SLX4IP: variants seen among roughly 807,000 people sequenced by gnomAD.
SLX4IP encodes SLX4 interacting protein.
In SLX4IP, 34 loss-of-function variants were observed where a neutral mutation model predicts 32.9. That is an observed-to-expected ratio of 1.03 (90% CI 0.79 to 1.38). The LOEUF (loss-of-function observed/expected upper bound fraction) is 1.38, where lower values mean the gene tolerates loss of function less well. Ranked by LOEUF, SLX4IP falls within the 40% of genes most tolerant of loss-of-function variation. SLX4IP has a pLI of 0.00. For synonymous variants in SLX4IP, 172 were observed against 171.7 expected (o/e 1.00, Z -0.01); for missense variants, 444 against 479.0 (o/e 0.93, Z 0.68).
intron 2 of SLX4IP, 105 bp downstream of exon 2, chr20:10,458,336 A>C (rs773230988): frequency 1.7e-6 from 2 of 1,187,390 alleles, no homozygotes; most frequent in Non-Finnish European, 2.3e-6. Context: ...TGCTTTTTAC[A>C]CTTGGGACTC....
chr20:10,554,167 C>T (rs934720477), intron 2 of SLX4IP, among the ~76,000 whole-genome samples: 6 of 152,260 alleles, frequency 3.9e-5, no homozygotes, highest in South Asian at 2.1e-4. Context: ...TTTCATCACA[C>T]GTTGATTTTG....
intron 2 of SLX4IP, among the ~76,000 whole-genome samples, chr20:10,492,962 C>T (rs1447845683): frequency 6.7e-6 from 1 of 148,824 alleles, no homozygotes; most frequent in Non-Finnish European, 1.5e-5. Context: ...ATTACTGTAA[C>T]ATTATCACAA....
chr20:10,605,205 A>G (rs889733674), intron 6 of SLX4IP, among the ~76,000 whole-genome samples: 9 of 152,158 alleles, frequency 5.9e-5, no homozygotes, highest in African/African-American at 2.2e-4. Context: ...CAAAGCTACT[A>G]TTTCATTGTG....
chr20:10,568,365 C>T (rs2066420137), intron 4 of SLX4IP, among the ~76,000 whole-genome samples: 1 of 152,172 alleles, frequency 6.6e-6, no homozygotes, highest in Non-Finnish European at 1.5e-5. Flanking sequence ...ACTTTCTCTG[C>T]CAGTAGATAG....
chr20:10,572,845 G>T (rs1316824645), intron 4 of SLX4IP, among the ~76,000 whole-genome samples: 1 of 152,116 alleles, frequency 6.6e-6, no homozygotes, highest in South Asian at 2.1e-4. Context: ...ATTCAAGGAC[G>T]AATTACCAAG....
chr20:10,452,683 A>ATG (rs2065252761), intron 1 of SLX4IP, among the ~76,000 whole-genome samples: 4 of 121,516 alleles, frequency 3.3e-5, no homozygotes, highest in Non-Finnish European at 7.3e-5. Context: ...AAAAAAAAAT[A>ATG]TATATATATA....
chr20:10,591,388 A>C (rs767796186), intron 4 of SLX4IP, among the ~76,000 whole-genome samples: 5 of 152,186 alleles, frequency 3.3e-5, no homozygotes, highest in Non-Finnish European at 7.3e-5. Context: ...TTCTCATTGC[A>C]CATGATCTAG....
intron 2 of SLX4IP, among the ~76,000 whole-genome samples, chr20:10,489,983 T>C (rs1018876749): frequency 7.9e-5 from 12 of 152,274 alleles, no homozygotes; most frequent in African/African-American, 1.4e-4. Context: ...ACATCTTTCA[T>C]AGGTAAAAAC....
At chr20:10,573,526 G>A (rs1435992138) in intron 4 of SLX4IP, among the ~76,000 whole-genome samples, 1 of 152,200 alleles carries the variant, frequency 6.6e-6, no homozygotes, top group African/African-American at 2.4e-5. Flanking sequence ...TGCACAGTAG[G>A]AATGGAACTG....
chr20:10,518,578 T>C lies in SLX4IP; in HGVS notation c.28-37653T>C, dbSNP rs1042052378. 2.0e-5 allele frequency among the ~76,000 whole-genome samples: 3 copies of C among 150,266 alleles called. No homozygotes were observed. In the South Asian group the frequency reaches 6.4e-4, roughly 32 times the overall value. Reference sequence around the variant, plus strand: ...TCCTTCTTTCTTTCTTTTCTTTCTTTCTTTTTTTCTTTTTTTAGACAGGGT... The same window carrying C: ...TCCTTCTTTCTTTCTTTTCTTTCTTCCTTTTTTTCTTTTTTTAGACAGGGT... On this transcript the variant is annotated intron_variant, in intron 2 of 7. Coordinates refer to ENST00000334534, the MANE Select transcript of SLX4IP (RefSeq NM_001009608.3).
At chr20:10,473,605 T>C (rs1020448938) in intron 2 of SLX4IP, among the ~76,000 whole-genome samples, 7 of 62,484 alleles carry the variant, frequency 1.1e-4, no homozygotes, top group African/African-American at 3.2e-4. Flanking sequence ...GAGTTCTGTT[T>C]CTTTTTTTTT....
chr20:10,567,931 ATTT>A (rs1230791298), intron 4 of SLX4IP, among the ~76,000 whole-genome samples: 1 of 152,184 alleles, frequency 6.6e-6, no homozygotes, highest in African/African-American at 2.4e-5. Flanking sequence ...TTAGGCACAA[ATTT>A]TTATCTGTTC....
chr20:10,590,915 T>C (rs982123182), intron 4 of SLX4IP, among the ~76,000 whole-genome samples: 3 of 152,220 alleles, frequency 2.0e-5, no homozygotes, highest in African/African-American at 7.2e-5. Flanking sequence ...TAAAGCTACG[T>C]TGGCTCTCAG....
intron 2 of SLX4IP, among the ~76,000 whole-genome samples, chr20:10,554,610 C>T (rs866600714): frequency 6.6e-6 from 1 of 151,836 alleles, no homozygotes; most frequent in Admixed American, 6.6e-5. Flanking sequence ...CATGTTATGT[C>T]AGTCTTTTTA....
chr20:10,448,188 T>A (rs1047379854), intron 1 of SLX4IP, among the ~76,000 whole-genome samples: 5 of 152,178 alleles, frequency 3.3e-5, no homozygotes, highest in African/African-American at 1.2e-4. Context: ...TTTTACTGCC[T>A]TTGTCTGGTT....
chr20:10,552,878 GAA>G (rs536982941), intron 2 of SLX4IP, among the ~76,000 whole-genome samples: 33 of 139,308 alleles, frequency 2.4e-4, no homozygotes, highest in Middle Eastern at 3.9e-3. Context: ...AGGGTTACAA[GAA>G]AAAAAAACAA....
At chr20:10,489,824 G>A (rs1249624691) in intron 2 of SLX4IP, among the ~76,000 whole-genome samples, 1 of 152,206 alleles carries the variant, frequency 6.6e-6, no homozygotes, top group African/African-American at 2.4e-5. Flanking sequence ...GCTAAGTTAA[G>A]ATAGTGGTAT....
At chr20:10,518,762 G>A (rs2065880873) in intron 2 of SLX4IP, among the ~76,000 whole-genome samples, 2 of 151,834 alleles carry the variant, frequency 1.3e-5, no homozygotes. Flanking sequence ...TAGAGACGGG[G>A]TTTGGCTATG....
chr20:10,463,955 G>A (rs879561275), intron 2 of SLX4IP, among the ~76,000 whole-genome samples: 1 of 152,148 alleles, frequency 6.6e-6, no homozygotes, highest in Admixed American at 6.5e-5. Context: ...AGTTTTGGAA[G>A]GCTGGGGAAG....
Sources: allele counts gnomAD v4.1 joint callset (sites outside exome capture counted in the v4.1 genomes callset), GRCh38; gene constraint gnomAD v4.1.1; transcripts MANE v1.5; gene names NCBI Gene and HGNC (gene_info 2026-07-23, HGNC 2026-07-21).